HCRTR2: variants seen among roughly 807,000 people sequenced by gnomAD.
The protein encoded by HCRTR2 is hypocretin receptor 2, also known as orexin receptor type 2.
In HCRTR2, 22 loss-of-function variants were observed where a neutral mutation model predicts 49.0. The observed-to-expected ratio is 0.45, with a 90% CI of 0.32 to 0.64. The LOEUF (loss-of-function observed/expected upper bound fraction) is 0.64. Ranked by LOEUF, HCRTR2 falls within the 30% of genes least tolerant of loss-of-function variation. HCRTR2 has a pLI of 0.04. For missense variants in HCRTR2, 491 were observed against 559.4 expected (o/e 0.88, Z 1.23); for synonymous variants, 236 against 205.3 (o/e 1.15, Z -1.28).
chr6:55,117,332 A>C (rs1400247327), intron 1 of HCRTR2, among the ~76,000 whole-genome samples: 1 of 151,780 alleles, frequency 6.6e-6, no homozygotes, highest in East Asian at 1.9e-4. Context: ...CTAAATGCTC[A>C]AAGAGGTTGA....
At chr6:55,177,856 G>A (rs1400157016) in intron 1 of HCRTR2, among the ~76,000 whole-genome samples, 2 of 152,072 alleles carry the variant, frequency 1.3e-5, no homozygotes, top group Non-Finnish European at 2.9e-5. Flanking sequence ...GGGGAGTAAA[G>A]TTTTAAATAG....
At chr6:55,268,974 T>C (rs940214228) in intron 4 of HCRTR2, among the ~76,000 whole-genome samples, 2 of 150,294 alleles carry the variant, frequency 1.3e-5, no homozygotes, top group Admixed American at 6.7e-5. Context: ...CCTGTAGTCC[T>C]AGCTGCTCAG....
chr6:55,268,709 T>C (rs1470382241), intron 4 of HCRTR2, among the ~76,000 whole-genome samples: 2 of 152,008 alleles, frequency 1.3e-5, no homozygotes, highest in Non-Finnish European at 1.5e-5. Flanking sequence ...ACCCAAAATA[T>C]ACCAAGCAAA....
intron 1 of HCRTR2, among the ~76,000 whole-genome samples, chr6:55,138,961 C>A (rs567402391): frequency 6.6e-6 from 1 of 152,260 alleles, no homozygotes; most frequent in South Asian, 2.1e-4. Flanking sequence ...ATATGGAAGC[C>A]CTCTCTGAGG....
rs1302968193 is a variant in HCRTR2, at chr6:55,128,165, T to A, written c.-378+21620T>A. ...GGCTGGCTAGTTATCCCAGCACCAT[T>A]TATTGAATAGGGAGCCCTTTCCCCA... On this transcript the variant is annotated intron_variant, in intron 1 of 7. Coordinates refer to the HCRTR2 transcript ENST00000615358. Among the ~76,000 whole-genome samples, 4 of 152,318 alleles carry A rather than the reference T, an allele frequency of 2.6e-5. No homozygotes were observed. The East Asian group carries it at 7.7e-4, about 29-fold the overall frequency.
rs538793180 is a variant in HCRTR2, at chr6:55,133,246, T to C, written c.-378+26701T>C. On this transcript the variant is annotated intron_variant, in intron 1 of 7. Coordinates refer to the HCRTR2 transcript ENST00000615358. ...GACATTTCCTGTCTCCTATGTCTTC[T>C]TTGCTCTTGTTTTCAGTCCTTTCTC... is the stretch of plus-strand genomic sequence containing the variant. Among the ~76,000 whole-genome samples the C allele has an allele frequency of 1.5e-4, 23 of 152,004 alleles. No homozygotes were observed. The South Asian group carries it at 4.3e-3, about 29-fold the overall frequency.
At position 55,269,706 on chromosome 6, in the gene HCRTR2, T is replaced by G. The variant is rs149289611; in HGVS notation, c.762+5884T>G. On this transcript the variant is annotated intron_variant, in intron 4 of 6. Coordinates refer to ENST00000370862, the MANE Select transcript of HCRTR2 (RefSeq NM_001384272.1). ...GGCTTGATTGCTTATGCCTGTAATCTCAACACTTTTGGGAGACTGAGGCGG... is the reference window on the plus strand; with the variant it reads ...GGCTTGATTGCTTATGCCTGTAATCGCAACACTTTTGGGAGACTGAGGCGG... Among the ~76,000 whole-genome samples the G allele has an allele frequency of 3.7e-3, 567 of 152,172 alleles. 3 individuals carry two copies. Among genetic ancestry groups the G allele is most frequent in the Middle Eastern group, 0.014 (4 of 294 alleles).
chr6:55,230,307 GT>G (rs2127299627), intron 1 of HCRTR2, among the ~76,000 whole-genome samples: 1 of 152,260 alleles, frequency 6.6e-6, no homozygotes, highest in African/African-American at 2.4e-5. Context: ...TTTATGGGCA[GT>G]TTTACACTAA....
At chr6:55,110,880 C>G (rs1049031989) in intron 1 of HCRTR2, among the ~76,000 whole-genome samples, 8 of 152,020 alleles carry the variant, frequency 5.3e-5, no homozygotes, top group African/African-American at 1.9e-4. Flanking sequence ...ACAAACTTAA[C>G]AGACATTTAC....
intron 1 of HCRTR2, among the ~76,000 whole-genome samples, chr6:55,232,896 AC>A (rs1047375737): frequency 6.6e-6 from 1 of 152,178 alleles, no homozygotes; most frequent in Non-Finnish European, 1.5e-5. Context: ...CATAAACTTT[AC>A]CTCTATATTA....
At chr6:55,241,090 A>G (rs9475211) in intron 1 of HCRTR2, among the ~76,000 whole-genome samples, 50,144 of 149,490 alleles carry the variant, frequency 0.34, 8,941 homozygotes, top group African/African-American at 0.45. Context: ...GTCATTTAGC[A>G]TTATGTATAT....
At chr6:55,271,107 A>C (rs2127326586) in intron 4 of HCRTR2, among the ~76,000 whole-genome samples, 1 of 152,282 alleles carries the variant, frequency 6.6e-6, no homozygotes, top group South Asian at 2.1e-4. Flanking sequence ...AATAATCTTG[A>C]AAAAGAAATG....
Position 55,127,044 on chromosome 6 carries a change from C to T in HCRTR2, c.-378+20499C>T, listed in dbSNP as rs148986578. Among the ~76,000 whole-genome samples the T allele has an allele frequency of 1.8e-4, 27 of 152,188 alleles. 1 individual carries two copies. The East Asian group carries it at 5.2e-3, about 29-fold the overall frequency. ...ACCCACCGAGCTGACCACTTGGCTGCCTGGCTTCAGTACCCCTTCCAGTGG... is the reference window on the plus strand; with the variant it reads ...ACCCACCGAGCTGACCACTTGGCTGTCTGGCTTCAGTACCCCTTCCAGTGG... On this transcript the variant is annotated intron_variant, in intron 1 of 7. Transcript: ENST00000615358.
intron 2 of HCRTR2, among the ~76,000 whole-genome samples, chr6:55,251,834 G>C (rs1766556993): frequency 6.6e-6 from 1 of 152,106 alleles, no homozygotes; most frequent in Non-Finnish European, 1.5e-5. Flanking sequence ...CAAAGACCAA[G>C]TACCTGAAGG....
At chr6:55,197,916 C>T (rs1765446956) in intron 1 of HCRTR2, among the ~76,000 whole-genome samples, 1 of 152,126 alleles carries the variant, frequency 6.6e-6, no homozygotes, top group Non-Finnish European at 1.5e-5. Flanking sequence ...CCACCACGCC[C>T]AGCCGACCCT....
At chr6:55,219,492 G>C (rs1581837042) in intron 1 of HCRTR2, among the ~76,000 whole-genome samples, 1 of 152,120 alleles carries the variant, frequency 6.6e-6, no homozygotes, top group East Asian at 1.9e-4. Context: ...AATGTTTCAA[G>C]ATAAATGAAA....
chr6:55,208,295 G>A (rs1279105312), intron 1 of HCRTR2, among the ~76,000 whole-genome samples: 1 of 149,242 alleles, frequency 6.7e-6, no homozygotes, highest in Non-Finnish European at 1.5e-5. Context: ...GCCCAACACG[G>A]TGAAAAACAG....
intron 1 of HCRTR2, among the ~76,000 whole-genome samples, chr6:55,180,812 T>G (rs1168152272): frequency 6.6e-6 from 1 of 152,082 alleles, no homozygotes; most frequent in Non-Finnish European, 1.5e-5. Context: ...TTAATTTTTT[T>G]TTTTTGAGAT....
chr6:55,252,873 C>CATT lies in HCRTR2; in HGVS notation c.403-2251_403-2249dup, dbSNP rs1045493101. ...AAGATAAAACTAATAGTATCATCATCATTATTATTATTATAATCATAAGAA... is the reference window on the plus strand; with the variant it reads ...AAGATAAAACTAATAGTATCATCATCATTATTATTATTATTATAATCATAAGAA... On this transcript the variant is annotated intron_variant, in intron 2 of 6. Coordinates refer to ENST00000370862, the MANE Select transcript of HCRTR2 (RefSeq NM_001384272.1). Among the ~76,000 whole-genome samples the CATT allele has an allele frequency of 3.9e-5, 6 of 152,072 alleles. No individual in the cohort carries two copies. The East Asian group carries it at 1.2e-3, about 29-fold the overall frequency.
Sources: allele counts gnomAD v4.1 joint callset (sites outside exome capture counted in the v4.1 genomes callset), GRCh38; gene constraint gnomAD v4.1.1; transcripts MANE v1.5; gene names NCBI Gene and HGNC (gene_info 2026-07-23, HGNC 2026-07-21).